The following MGAT5 variants were observed in gnomAD, a reference collection of about 807,000 sequenced individuals.
MGAT5 encodes alpha-1,6-mannosylglycoprotein 6-beta-N-acetylglucosaminyltransferase.
In MGAT5, 30 loss-of-function variants were observed where a neutral mutation model predicts 94.3. The ratio of observed to expected loss-of-function variants is 0.32; its 90% CI spans 0.24 to 0.43. The LOEUF is 0.43. MGAT5 is among the 20% of genes least tolerant of loss of function. MGAT5 has a pLI of 1.00. For missense variants in MGAT5, 691 were observed against 905.5 expected (o/e 0.76, Z 3.04); for synonymous variants, 310 against 322.9 (o/e 0.96, Z 0.43).
chr2:134,356,437 T>G (rs781281935), intron 9 of MGAT5, among the ~76,000 whole-genome samples: 1 of 152,266 alleles, frequency 6.6e-6, no homozygotes, highest in African/African-American at 2.4e-5. Context: ...AGGAGTTAGA[T>G]TGGAATCTTT....
intron 1 of MGAT5, among the ~76,000 whole-genome samples, chr2:134,127,495 T>TCC (rs201202024): frequency 3.6e-4 from 41 of 114,640 alleles, no homozygotes; most frequent in South Asian, 9.1e-4. Flanking sequence ...GGAAAAGGTT[T>TCC]CCCCCCCCCC....
intron 1 of MGAT5, among the ~76,000 whole-genome samples, chr2:134,189,006 T>A (rs1689181369): frequency 1.3e-5 from 2 of 152,024 alleles, no homozygotes; most frequent in Non-Finnish European, 2.9e-5. Context: ...TCTGGGAGGG[T>A]CGCGAATGCA....
At chr2:134,374,886 G>C (rs1166600182) in intron 10 of MGAT5, among the ~76,000 whole-genome samples, 1 of 152,126 alleles carries the variant, frequency 6.6e-6, no homozygotes, top group Non-Finnish European at 1.5e-5. Flanking sequence ...CCAGCTACTC[G>C]GGAAGCTGAG....
chr2:134,376,958 C>G (rs1017391579), intron 10 of MGAT5, among the ~76,000 whole-genome samples: 1 of 152,206 alleles, frequency 6.6e-6, no homozygotes, highest in African/African-American at 2.4e-5. Context: ...GATCCTTTCA[C>G]CTACCTAAAC....
In MGAT5 at chr2:134,345,095, T is replaced by G. The variant is rs752723873; in HGVS notation, c.1112+31T>G. On this transcript the variant is annotated intron_variant, in intron 8 of 15. Transcript: ENST00000281923. ...TGCTACATGGTGTTCTGACTTAAGGTTTTTTTTCCCCTCCTTAACAAAGGT... is the reference window on the plus strand; with the variant it reads ...TGCTACATGGTGTTCTGACTTAAGGGTTTTTTTCCCCTCCTTAACAAAGGT... 4.6e-5 allele frequency: 73 copies of G among 1,585,342 alleles called. No individual in the cohort carries two copies. In the South Asian group the frequency reaches 7.7e-4, roughly 17 times the overall value.
chr2:134,132,051 C>CTGAGTTTGGGG (rs1294578451), intron 1 of MGAT5, among the ~76,000 whole-genome samples: 1 of 152,204 alleles, frequency 6.6e-6, no homozygotes, highest in Non-Finnish European at 1.5e-5. Flanking sequence ...TTGTAAGCCA[C>CTGAGTTTGGGG]TGAGTTTGGG....
At chr2:134,281,698 A>C (rs531720212) in intron 2 of MGAT5, among the ~76,000 whole-genome samples, 1 of 152,242 alleles carries the variant, frequency 6.6e-6, no homozygotes, top group South Asian at 2.1e-4. Context: ...CTGACCCTTT[A>C]CTGTACCTTC....
intron 2 of MGAT5, among the ~76,000 whole-genome samples, chr2:134,273,439 CTCCCTGGTGTG>C (rs752504927): frequency 1.3e-5 from 2 of 152,182 alleles, no homozygotes; most frequent in Non-Finnish European, 2.9e-5. Flanking sequence ...CAGAAATGTT[CTCCCTGGTGTG>C]TCTTTACAGC....
At chr2:134,280,157 C>T (rs1684603305) in intron 2 of MGAT5, among the ~76,000 whole-genome samples, 2 of 152,106 alleles carry the variant, frequency 1.3e-5, no homozygotes, top group Non-Finnish European at 1.5e-5. Context: ...TTCTCGCTTA[C>T]ATCCCAGAAA....
intron 1 of MGAT5, among the ~76,000 whole-genome samples, chr2:134,173,460 G>C (rs998685983): frequency 1.3e-5 from 2 of 152,208 alleles, no homozygotes; most frequent in African/African-American, 2.4e-5. Flanking sequence ...CTTCCTGCAT[G>C]TACTGTGCTG....
chr2:134,171,244 A>C (rs79327446), intron 1 of MGAT5, among the ~76,000 whole-genome samples: 27,949 of 152,236 alleles, frequency 0.18, 2,649 homozygotes, highest in South Asian at 0.23. Context: ...TCTATTTGAA[A>C]AAACAGGCTT....
intron 1 of MGAT5, among the ~76,000 whole-genome samples, chr2:134,134,873 T>C (rs59779024): frequency 0.027 from 4,071 of 152,352 alleles, 73 homozygotes; most frequent in South Asian, 0.043. Context: ...AACTTAGGTA[T>C]AAGCAAATAA....
At chr2:134,187,795 T>A (rs938346208) in intron 1 of MGAT5, among the ~76,000 whole-genome samples, 20 of 152,222 alleles carry the variant, frequency 1.3e-4, no homozygotes, top group Non-Finnish European at 2.9e-4. Context: ...TTTGAAAAAT[T>A]TCCACCGTGA....
chr2:134,326,360 G>A lies in MGAT5; in HGVS notation c.573+7621G>A, dbSNP rs566940168. Among the ~76,000 whole-genome samples the A allele has an allele frequency of 7.9e-5, 12 of 152,038 alleles. No individual in the cohort carries two copies. The East Asian group carries it at 9.7e-4, about 12-fold the overall frequency. On this transcript the variant is annotated intron_variant, in intron 4 of 15. Coordinates refer to ENST00000281923, the MANE Select transcript of MGAT5 (RefSeq NM_002410.5). ...TTCTTACTGATTGTCAAGTTGCCCC[G>A]CTTTGGCCAGTGAGGACCTATTCAT...
intron 10 of MGAT5, among the ~76,000 whole-genome samples, chr2:134,378,723 C>T (rs1346187336): frequency 6.7e-6 from 1 of 149,916 alleles, no homozygotes; most frequent in Non-Finnish European, 1.5e-5. Context: ...TCAAGTGATT[C>T]TCCTGCCTCA....
At chr2:134,351,031 A>G (rs965125722) in intron 9 of MGAT5, among the ~76,000 whole-genome samples, 1 of 152,132 alleles carries the variant, frequency 6.6e-6, no homozygotes, top group Non-Finnish European at 1.5e-5. Context: ...CATGCATTGG[A>G]CTAATCTTTG....
At chr2:134,373,436 A>G (rs1386150622) in intron 10 of MGAT5, among the ~76,000 whole-genome samples, 1 of 152,216 alleles carries the variant, frequency 6.6e-6, no homozygotes, top group Non-Finnish European at 1.5e-5. Context: ...TGAATTTGAA[A>G]CAGTCTGAAA....
chr2:134,346,003 G>T (rs566776289), intron 8 of MGAT5, among the ~76,000 whole-genome samples: 41 of 152,136 alleles, frequency 2.7e-4, no homozygotes, highest in Admixed American at 1.8e-3. Context: ...AATGTAAATG[G>T]CACATAAATA....
Position 134,449,865 on chromosome 2 carries a change from G to A in MGAT5, c.*1018G>A, listed in dbSNP as rs1553469172. On this transcript the variant is annotated 3_prime_UTR_variant, in exon 16 of 16. Transcript: ENST00000281923. ...CCGGAGCTGGGCTCCTGACAGGTGG[G>A]CTTGTGTTGTGTCCCCTCTGATGGC... 6.6e-6 allele frequency: 1 copy of A among 152,354 alleles called. No individual in the cohort carries two copies. The highest frequency in any genetic ancestry group is 1.5e-5 in the Non-Finnish European group (1 of 68,174). 9.4% of individuals were successfully genotyped at this position (152,354 alleles called of 1,614,324 possible).
Sources: allele counts gnomAD v4.1 joint callset (sites outside exome capture counted in the v4.1 genomes callset), GRCh38; gene constraint gnomAD v4.1.1; transcripts MANE v1.5; gene names NCBI Gene and HGNC (gene_info 2026-07-23, HGNC 2026-07-21).